SBF2: variants seen among roughly 807,000 people sequenced by gnomAD.
SBF2 encodes myotubularin-related protein 13.
SBF2 carries 112 observed loss-of-function variants against 225.2 expected under a neutral mutation model. The ratio of observed to expected loss-of-function variants is 0.50; its 90% CI spans 0.43 to 0.58. The LOEUF is 0.58. Ranked by LOEUF, SBF2 falls within the 20% of genes least tolerant of loss-of-function variation. The pLI is 0.00. For synonymous variants in SBF2, 763 were observed against 773.3 expected, an observed-to-expected ratio of 0.99 and a Z score of 0.22; for missense variants, 1,996 against 2,206.2, an observed-to-expected ratio of 0.90 and a Z score of 1.91.
At chr11:10,233,937 T>A (rs1219962185) in intron 1 of SBF2, among the ~76,000 whole-genome samples, 2 of 152,194 alleles carry the variant, frequency 1.3e-5, no homozygotes, top group Admixed American at 1.3e-4. Flanking sequence ...CCTGGCCCTA[T>A]GTTGTTTTCA....
chr11:10,275,801 T>C (rs563170947), intron 1 of SBF2, among the ~76,000 whole-genome samples: 103 of 152,300 alleles, frequency 6.8e-4, no homozygotes, highest in African/African-American at 2.4e-3. Flanking sequence ...TATCCATTTT[T>C]AATCATACCT....
intron 3 of SBF2, among the ~76,000 whole-genome samples, chr11:10,037,358 G>A (rs1467749719): frequency 1.3e-5 from 2 of 152,216 alleles, no homozygotes; most frequent in East Asian, 1.9e-4. Flanking sequence ...ACAAAGTCTA[G>A]TCTTGTTGAA....
At chr11:10,185,386 C>G (rs1956896992) in intron 2 of SBF2, among the ~76,000 whole-genome samples, 1 of 152,200 alleles carries the variant, frequency 6.6e-6, no homozygotes, top group Non-Finnish European at 1.5e-5. Context: ...TTCCCACCAA[C>G]AGTGCACAAG....
At chr11:10,012,609 T>C (rs1160906623) in intron 6 of SBF2, among the ~76,000 whole-genome samples, 1 of 152,254 alleles carries the variant, frequency 6.6e-6, no homozygotes, top group Non-Finnish European at 1.5e-5. Context: ...ACAGCTGATT[T>C]AAAGTCCTTA....
intron 1 of SBF2, among the ~76,000 whole-genome samples, chr11:10,218,320 ACCC>A (rs57770393): frequency 0.03 from 2,309 of 76,706 alleles, 30 homozygotes; most frequent in African/African-American, 0.089. Flanking sequence ...GGAAAGACCC[ACCC>A]CCCCCCCCAC....
chr11:10,149,845 C>T (rs7938491), intron 2 of SBF2, among the ~76,000 whole-genome samples: 33,410 of 152,076 alleles, frequency 0.22, 4,261 homozygotes, highest in Non-Finnish European at 0.3. Flanking sequence ...CACTATGTGA[C>T]TCAATGACAT....
chr11:10,118,511 G>A (rs941165093), intron 2 of SBF2, among the ~76,000 whole-genome samples: 1 of 145,658 alleles, frequency 6.9e-6, no homozygotes, highest in African/African-American at 2.5e-5. Flanking sequence ...TTTAAAATAT[G>A]GTCAGAGGTA....
chr11:10,230,347 G>C lies in SBF2; in HGVS notation c.56-36360C>G, dbSNP rs537580922. On this transcript the variant is annotated intron_variant, in intron 1 of 39. Coordinates refer to ENST00000256190, the MANE Select transcript of SBF2 (RefSeq NM_030962.4). Reference sequence around the variant, plus strand: ...TATTGTTATGTGTGAATTTGATCCTGTCATTATGATGCTGGCTGGTTATTT... The same window carrying C: ...TATTGTTATGTGTGAATTTGATCCTCTCATTATGATGCTGGCTGGTTATTT... 1.2e-4 allele frequency among the ~76,000 whole-genome samples: 19 copies of C among 152,308 alleles called. No homozygotes were observed. In the South Asian group the frequency reaches 3.5e-3, roughly 28 times the overall value.
intron 1 of SBF2, among the ~76,000 whole-genome samples, chr11:10,251,512 T>C (rs572354356): frequency 6.6e-6 from 1 of 152,294 alleles, no homozygotes; most frequent in East Asian, 1.9e-4. Flanking sequence ...ATGTAGATTA[T>C]AAAATTTCAG....
intron 16 of SBF2, among the ~76,000 whole-genome samples, chr11:9,920,629 T>C (rs1211460894): frequency 6.6e-6 from 1 of 152,206 alleles, no homozygotes; most frequent in Non-Finnish European, 1.5e-5. Context: ...CTAAAATTTC[T>C]TTATGATTTT....
intron 16 of SBF2, chr11:9,961,677 T>C (rs1268070823): frequency 9.2e-6 from 3 of 324,480 alleles, no homozygotes; most frequent in South Asian, 4.0e-5. Context: ...TATAACTGAA[T>C]GCTTTAAAGA....
intron 32 of SBF2, among the ~76,000 whole-genome samples, chr11:9,796,695 A>C (rs1159017587): frequency 6.6e-6 from 1 of 152,214 alleles, no homozygotes; most frequent in Non-Finnish European, 1.5e-5. Context: ...ACAGCTTTGG[A>C]AACAGGGAGG....
At chr11:10,257,364 T>C (rs995404023) in intron 1 of SBF2, among the ~76,000 whole-genome samples, 2 of 152,084 alleles carry the variant, frequency 1.3e-5, no homozygotes, top group African/African-American at 2.4e-5. Flanking sequence ...TATGACCAAA[T>C]AGGCATAAGA....
intron 1 of SBF2, among the ~76,000 whole-genome samples, chr11:10,246,882 C>T (rs761690732): frequency 7.2e-5 from 11 of 152,058 alleles, no homozygotes; most frequent in Non-Finnish European, 1.5e-4. Context: ...CAGGACCAGC[C>T]TGGGCACCAT....
At chr11:10,262,330 T>C (rs1038809222) in intron 1 of SBF2, among the ~76,000 whole-genome samples, 3 of 152,192 alleles carry the variant, frequency 2.0e-5, no homozygotes, top group Non-Finnish European at 4.4e-5. Context: ...ATAAATTCTT[T>C]CAACTTCGTT....
At chr11:9,991,899 G>A (rs1440852231) in intron 12 of SBF2, among the ~76,000 whole-genome samples, 1 of 152,068 alleles carries the variant, frequency 6.6e-6, no homozygotes, top group Admixed American at 6.5e-5. Flanking sequence ...ACTCCAGTTT[G>A]AAGTAATTTC....
At chr11:9,784,821 T>C (rs1336670379) in intron 37 of SBF2, 1 of 514,028 alleles carries the variant, frequency 1.9e-6, no homozygotes, top group Non-Finnish European at 3.5e-6. Context: ...GCTGGATTTC[T>C]GATGTGTGCC....
intron 1 of SBF2, among the ~76,000 whole-genome samples, chr11:10,219,151 A>G (rs1363948105): frequency 2.0e-5 from 3 of 152,192 alleles, no homozygotes. Flanking sequence ...CCACCCCTGT[A>G]GCAAACTTCT....
intron 2 of SBF2, among the ~76,000 whole-genome samples, chr11:10,088,023 TA>T: frequency 2.6e-5 from 4 of 151,794 alleles, no homozygotes; most frequent in Admixed American, 2.6e-4. Flanking sequence ...TTGCAAACTT[TA>T]ATTTTTTTTT....
Sources: allele counts gnomAD v4.1 joint callset (sites outside exome capture counted in the v4.1 genomes callset), GRCh38; gene constraint gnomAD v4.1.1; transcripts MANE v1.5; gene names NCBI Gene and HGNC (gene_info 2026-07-23, HGNC 2026-07-21).